HTR2A: variants seen among roughly 807,000 people sequenced by gnomAD.
The protein encoded by HTR2A is 5-HT2 receptor.
A neutral mutation model predicts 31.0 loss-of-function variants in HTR2A; 14 were observed. That is an observed-to-expected ratio of 0.45 (90% CI 0.30 to 0.71). HTR2A has a LOEUF of 0.71. HTR2A is among the 30% of genes least tolerant of loss of function. HTR2A has a pLI of 0.09. For synonymous variants in HTR2A, 209 were observed against 225.2 expected (o/e 0.93, Z 0.64); for missense variants, 442 against 573.3 (o/e 0.77, Z 2.34).
intron 3 of HTR2A, among the ~76,000 whole-genome samples, chr13:46,856,694 C>T (rs899269175): frequency 2.0e-5 from 3 of 152,096 alleles, no homozygotes; most frequent in African/African-American, 7.2e-5. Flanking sequence ...GATGAAAGTC[C>T]TTAATGAAGG....
chr13:46,878,276 T>G (rs1380526586), intron 3 of HTR2A, among the ~76,000 whole-genome samples: 1 of 152,194 alleles, frequency 6.6e-6, no homozygotes, highest in South Asian at 2.1e-4. Flanking sequence ...AAAGAACCAC[T>G]CAACTGCTTG....
chr13:46,841,656 A>G (rs1199813978), intron 3 of HTR2A, among the ~76,000 whole-genome samples: 2 of 152,118 alleles, frequency 1.3e-5, no homozygotes, highest in African/African-American at 4.8e-5. Context: ...AATTGCCCCC[A>G]TCATAGATTC....
At chr13:46,894,499 C>T (rs1159915513) in intron 2 of HTR2A, among the ~76,000 whole-genome samples, 1 of 152,218 alleles carries the variant, frequency 6.6e-6, no homozygotes, top group Admixed American at 6.5e-5. Flanking sequence ...TGCAAACTGG[C>T]GCCTGCTCGC....
chr13:46,837,035 G>A (rs76526553), intron 3 of HTR2A, among the ~76,000 whole-genome samples: 5 of 152,128 alleles, frequency 3.3e-5, no homozygotes, highest in Non-Finnish European at 5.9e-5. Flanking sequence ...GGGAACATGG[G>A]CCTATATGGT....
Position 46,834,145 on chromosome 13 carries a change from A to G in HTR2A, c.*692T>C, listed in dbSNP as rs1028451455. ...AAATTCAGAGTAAAGCACAAGAAGTAGAAGAGAAAGCAGCAATAGTTATTG... is the reference window on the plus strand; with the variant it reads ...AAATTCAGAGTAAAGCACAAGAAGTGGAAGAGAAAGCAGCAATAGTTATTG... On this transcript the variant is annotated 3_prime_UTR_variant, in exon 4 of 4. Transcript: ENST00000542664. 2.0e-5 allele frequency: 3 copies of G among 152,698 alleles called. No individual in the cohort carries two copies. Among genetic ancestry groups the G allele is most frequent in the Non-Finnish European group, 4.4e-5 (3 of 68,046 alleles). 9.5% of individuals were successfully genotyped at this position (152,698 alleles called of 1,614,324 possible).
intron 3 of HTR2A, among the ~76,000 whole-genome samples, chr13:46,861,807 C>T (rs188193709): frequency 2.0e-5 from 3 of 152,236 alleles, no homozygotes; most frequent in Admixed American, 2.0e-4. Flanking sequence ...TTACAATTTC[C>T]AAGAGGAGGG....
chr13:46,865,988 A>G (rs944560123), intron 3 of HTR2A, among the ~76,000 whole-genome samples: 1 of 152,168 alleles, frequency 6.6e-6, no homozygotes, highest in African/African-American at 2.4e-5. Context: ...CAGCCATCTC[A>G]TGAGACTTCT....
At chr13:46,856,268 G>T (rs1263970671) in intron 3 of HTR2A, 2 of 152,264 alleles carry the variant, frequency 1.3e-5, no homozygotes, top group South Asian at 2.1e-4. Flanking sequence ...ACTTAGAAAA[G>T]ATTTGAAATA....
At chr13:46,840,617 G>A (rs1405856466) in intron 3 of HTR2A, among the ~76,000 whole-genome samples, 1 of 152,064 alleles carries the variant, frequency 6.6e-6, no homozygotes, top group Non-Finnish European at 1.5e-5. Flanking sequence ...ACAGAAAGTT[G>A]GGGGCAAAAT....
chr13:46,895,555 T>C lies in HTR2A; in HGVS notation c.352A>G (p.Ile118Val), dbSNP rs765850021. ...ATNYFLMSLA[I>V]ADMLLGFLVM... ...AGGAAACCCAGCAGCATATCAGCTA[T>C]GGCAAGTGACATCAGGAAATAGTTG... The change falls in exon 2 of 4, where the codon ATA becomes GTA. Residue 118 changes from isoleucine to valine, a missense_variant. Physicochemically the swap from Ile to Val is conservative, Grantham distance 29. Coordinates refer to ENST00000542664, the MANE Select transcript of HTR2A (RefSeq NM_000621.5). This position sits in a 1 kb window ranked among gnomAD's most constrained non-coding sequence, Gnocchi z 4.4. 1.9e-6 allele frequency: 3 copies of C among 1,614,200 alleles called. No individual in the cohort carries two copies. Among genetic ancestry groups the C allele is most frequent in the Non-Finnish European group, 1.7e-6 (2 of 1,180,024 alleles).
At chr13:46,862,334 G>C (rs1006833783) in intron 3 of HTR2A, among the ~76,000 whole-genome samples, 1 of 152,190 alleles carries the variant, frequency 6.6e-6, no homozygotes, top group Admixed American at 6.5e-5. Flanking sequence ...CCATAACTAA[G>C]GGCCTACTGT....
chr13:46,840,091 G>C (rs548599638), intron 3 of HTR2A, among the ~76,000 whole-genome samples: 1 of 152,208 alleles, frequency 6.6e-6, no homozygotes, highest in South Asian at 2.1e-4. Context: ...TTGAAATTTG[G>C]GTTCATAGGT....
At chr13:46,881,126 G>A (rs1367001129) in intron 3 of HTR2A, among the ~76,000 whole-genome samples, 2 of 152,168 alleles carry the variant, frequency 1.3e-5, no homozygotes, top group Non-Finnish European at 1.5e-5. Flanking sequence ...AGGTTTTCGT[G>A]ATATTTTACC....
chr13:46,894,145 T>C (rs1042245156), intron 2 of HTR2A, among the ~76,000 whole-genome samples: 40 of 152,186 alleles, frequency 2.6e-4, no homozygotes, highest in African/African-American at 8.7e-4. Context: ...AGAAGCCCCA[T>C]GCCCCACGCC....
chr13:46,837,087 C>G (rs1950567723), intron 3 of HTR2A, among the ~76,000 whole-genome samples: 1 of 152,088 alleles, frequency 6.6e-6, no homozygotes, highest in Non-Finnish European at 1.5e-5. Flanking sequence ...TGTAAGGCTC[C>G]CTCAGGTACA....
At chr13:46,894,272 G>A (rs918018561) in intron 2 of HTR2A, among the ~76,000 whole-genome samples, 2 of 152,132 alleles carry the variant, frequency 1.3e-5, no homozygotes, top group East Asian at 3.9e-4. Context: ...AGCGGGTGAC[G>A]CCGGGGGTCA....
At chr13:46,863,193 C>T (rs1950793193) in intron 3 of HTR2A, among the ~76,000 whole-genome samples, 1 of 151,816 alleles carries the variant, frequency 6.6e-6, no homozygotes, top group Non-Finnish European at 1.5e-5. Context: ...ACTATAAGGG[C>T]AATTATACAT....
intron 3 of HTR2A, among the ~76,000 whole-genome samples, chr13:46,884,675 A>G (rs73175526): frequency 0.046 from 6,986 of 152,292 alleles, 172 homozygotes; most frequent in Middle Eastern, 0.082. Flanking sequence ...AGATAAAAAC[A>G]GAACAAAACA....
At chr13:46,872,295 G>A (rs1034448687) in intron 3 of HTR2A, among the ~76,000 whole-genome samples, 1 of 151,990 alleles carries the variant, frequency 6.6e-6, no homozygotes, top group Admixed American at 6.6e-5. Flanking sequence ...GTCCTTGAGA[G>A]GTTATAAAAT....
Sources: gnomAD v4.1 joint callset for allele counts (sites outside exome capture counted in the v4.1 genomes callset) on GRCh38, gnomAD v4.1.1 for gene constraint, Gnocchi (gnomAD v3.1) non-coding constraint, MANE v1.5 for transcripts, NCBI Gene and HGNC (gene_info 2026-07-23, HGNC 2026-07-21) for gene names.